Variants in FHL5 observed in about 807,000 individuals in gnomAD.
FHL5 encodes the protein four and a half LIM domains 5, also known as four and a half LIM domains protein 5.
FHL5 carries 33 observed loss-of-function variants against 32.0 expected under a neutral mutation model. That is an observed-to-expected ratio of 1.03 (90% confidence interval 0.78 to 1.38). The LOEUF is 1.38. Among genes scored for constraint, FHL5 ranks in the 40% most tolerant of loss-of-function variants. FHL5 has a pLI of 0.00. For missense variants in FHL5, 336 were observed against 343.9 expected (o/e 0.98, Z 0.18); for synonymous variants, 114 against 113.6 (o/e 1.00, Z -0.02).
At position 96,604,765 on chromosome 6, in the gene FHL5, G is replaced by C. The variant is rs1374444168; in HGVS notation, c.175G>C (p.Asp59His). 6.2e-7 allele frequency: 1 copy of C among 1,610,822 alleles called. No individual in the cohort carries two copies. Among genetic ancestry groups the C allele is most frequent in the Admixed American group, 1.7e-5 (1 of 59,280 alleles). Residue 59 changes from aspartate (D) to histidine (H), a missense_variant, in exon 3 of 6, where the codon GAC becomes CAC. Asp to His is a moderately conservative substitution (Grantham distance 81, BLOSUM62 -1). Transcript: ENST00000450218. ...ESDSKDLCYK[D>H]RHWHEGCFKC... Reference sequence around the variant, plus strand: ...TGTCTCAAAGGATCTTTGTTACAAAGACCGGCACTGGCATGAAGGATGCTT... The same window carrying C: ...TGTCTCAAAGGATCTTTGTTACAAACACCGGCACTGGCATGAAGGATGCTT...
intron 1 of FHL5, among the ~76,000 whole-genome samples, chr6:96,567,812 TG>T: frequency 6.7e-6 from 1 of 148,472 alleles, no homozygotes; most frequent in Non-Finnish European, 1.5e-5. Flanking sequence ...GAAAAGCTAC[TG>T]GTTTTTGTAT....
At chr6:96,582,746 C>T (rs974715410) in intron 1 of FHL5, among the ~76,000 whole-genome samples, 1 of 152,050 alleles carries the variant, frequency 6.6e-6, no homozygotes, top group Non-Finnish European at 1.5e-5. Flanking sequence ...TTCTATGATG[C>T]TTGTTTTAGG....
At position 96,591,386 on chromosome 6, in the gene FHL5, CAT is replaced by C. The variant is rs1286783755; in HGVS notation, c.-12-12215_-12-12214del. ...GTACATAGTCAGATTTACATAGATTCATCTACATGTTTACGGTTTTCATTTTT... is the reference window on the plus strand; with the variant it reads ...GTACATAGTCAGATTTACATAGATTCCTACATGTTTACGGTTTTCATTTTT... On this transcript the variant is annotated intron_variant, in intron 1 of 5. Coordinates refer to ENST00000450218, the MANE Select transcript of FHL5 (RefSeq NM_001322466.2). Among the ~76,000 whole-genome samples the C allele has an allele frequency of 2.0e-5, 3 of 152,098 alleles. No individual in the cohort carries two copies. The East Asian group carries it at 5.8e-4, about 29-fold the overall frequency.
chr6:96,608,034 C>T (rs1401348240), intron 4 of FHL5, among the ~76,000 whole-genome samples: 1 of 151,954 alleles, frequency 6.6e-6, no homozygotes, highest in Non-Finnish European at 1.5e-5. Context: ...TAAAATCTTG[C>T]TGGAAATAAA....
rs184294753 is a variant in FHL5, at chr6:96,592,068, C to T, written c.-12-11534C>T. Among the ~76,000 whole-genome samples the T allele has an allele frequency of 2.0e-4, 31 of 152,174 alleles. No individual in the cohort carries two copies. The East Asian group carries it at 4.4e-3, about 22-fold the overall frequency. On this transcript the variant is annotated intron_variant, in intron 1 of 5. Coordinates refer to ENST00000450218, the MANE Select transcript of FHL5 (RefSeq NM_001322466.2). Reference sequence around the variant, plus strand: ...AAAATTAAAATTGCTAATGAAGTTTCGGGCACCACTGTCATTGATAACATC... The same window carrying T: ...AAAATTAAAATTGCTAATGAAGTTTTGGGCACCACTGTCATTGATAACATC...
chr6:96,611,786 G>A (rs907855238), intron 5 of FHL5, among the ~76,000 whole-genome samples: 3 of 152,110 alleles, frequency 2.0e-5, no homozygotes, highest in African/African-American at 4.8e-5. Context: ...TCACTGACTT[G>A]CAAAGGGAGG....
At position 96,618,050 on chromosome 6, in the gene FHL5, C is replaced by T. The variant is rs1160965352; in HGVS notation, c.*2278C>T. 6.6e-5 allele frequency among the ~76,000 whole-genome samples: 10 copies of T among 152,104 alleles called. No homozygotes were observed. The highest frequency in any genetic ancestry group is 2.4e-4 in the African/African-American group (10 of 41,418). On this transcript the variant is annotated 3_prime_UTR_variant, in exon 6 of 6. Coordinates refer to ENST00000450218, the MANE Select transcript of FHL5 (RefSeq NM_001322466.2). ...ATGCAGAAGTGCCTGATGCAAAGAT[C>T]CTTGCCTGCAGGTTAAACAAAGCAC...
chr6:96,602,516 G>C (rs1177451862), intron 1 of FHL5, among the ~76,000 whole-genome samples: 1 of 122,984 alleles, frequency 8.1e-6, no homozygotes, highest in Non-Finnish European at 1.6e-5. Flanking sequence ...GCACAATCTC[G>C]GCTCACTGCA....
chr6:96,583,722 G>C (rs1300825047), intron 1 of FHL5, among the ~76,000 whole-genome samples: 4 of 151,960 alleles, frequency 2.6e-5, no homozygotes, highest in Non-Finnish European at 5.9e-5. Flanking sequence ...AATATCAAAG[G>C]CTGCCTTCTT....
At chr6:96,565,103 A>ATT (rs1770328512) in intron 1 of FHL5, among the ~76,000 whole-genome samples, 1 of 152,128 alleles carries the variant, frequency 6.6e-6, no homozygotes, top group Non-Finnish European at 1.5e-5. Context: ...AAAAATAAAT[A>ATT]ATCAGCTTAT....
In FHL5 at chr6:96,603,603, A is replaced by G; in HGVS notation, c.-11A>G. ...CATTAATCACTTTGTCATTCATAGG[A>G]TCAAACCAAAATGACAACTGCTCAC... On this transcript the variant is annotated splice_region_variant and 5_prime_UTR_variant, in exon 2 of 6. Transcript: ENST00000450218. The G allele has an allele frequency of 6.2e-7, 1 of 1,607,804 alleles. No individual in the cohort carries two copies. The highest frequency in any genetic ancestry group is 8.5e-7 in the Non-Finnish European group (1 of 1,177,908).
intron 1 of FHL5, among the ~76,000 whole-genome samples, chr6:96,570,204 G>GCAAAA (rs1239049171): frequency 6.6e-6 from 1 of 152,010 alleles, no homozygotes; most frequent in African/African-American, 2.4e-5. Flanking sequence ...ACCTCGAGAA[G>GCAAAA]GCTTTATTTC....
intron 1 of FHL5, among the ~76,000 whole-genome samples, chr6:96,568,729 G>A (rs575651134): frequency 8.4e-4 from 127 of 151,842 alleles, no homozygotes; most frequent in African/African-American, 2.9e-3. Flanking sequence ...ATTTCTGTCA[G>A]GTCTTCTAAA....
intron 1 of FHL5, among the ~76,000 whole-genome samples, chr6:96,597,390 G>A (rs1354201713): frequency 6.6e-6 from 1 of 151,924 alleles, no homozygotes; most frequent in Admixed American, 6.6e-5. Flanking sequence ...ATTTTGTACA[G>A]AAGGCATGAC....
intron 1 of FHL5, among the ~76,000 whole-genome samples, chr6:96,594,225 A>ATT (rs1237735150): frequency 1.2e-3 from 104 of 90,286 alleles, no homozygotes; most frequent in Non-Finnish European, 1.8e-3. Context: ...AAATATTAGA[A>ATT]TTTATATATA....
At chr6:96,564,923 G>C (rs1033193045) in intron 1 of FHL5, among the ~76,000 whole-genome samples, 7 of 152,042 alleles carry the variant, frequency 4.6e-5, no homozygotes, top group African/African-American at 1.7e-4. Context: ...AGGAGAAGGA[G>C]GACTCCTTTT....
intron 1 of FHL5, among the ~76,000 whole-genome samples, chr6:96,584,143 G>A (rs1460810832): frequency 2.0e-5 from 3 of 151,988 alleles, no homozygotes; most frequent in African/African-American, 7.2e-5. Flanking sequence ...ACATACATAG[G>A]ACAAAACAAC....
intron 1 of FHL5, among the ~76,000 whole-genome samples, chr6:96,564,503 A>G (rs1019978650): frequency 9.2e-5 from 14 of 152,204 alleles, no homozygotes; most frequent in African/African-American, 3.4e-4. Context: ...GTTTTAATAT[A>G]ACACCACCTC....
intron 2 of FHL5, 130 bp downstream of exon 2, chr6:96,603,902 G>C: frequency 1.0e-5 from 7 of 677,200 alleles, no homozygotes; most frequent in Middle Eastern, 2.8e-4. Flanking sequence ...GATCTTAAAA[G>C]TTACCAGCAG....
Sources: allele counts gnomAD v4.1 joint callset (sites outside exome capture counted in the v4.1 genomes callset), GRCh38; gene constraint gnomAD v4.1.1; transcripts MANE v1.5; gene names NCBI Gene and HGNC (gene_info 2026-07-23, HGNC 2026-07-21).